The following WAC variants were observed in gnomAD, a reference collection of about 807,000 sequenced individuals.
WAC encodes the protein WW domain-containing adapter protein with coiled-coil.
Under a neutral mutation model 79.6 loss-of-function variants are expected in WAC, and 11 were observed. That is an observed-to-expected ratio of 0.14 (90% CI 0.09 to 0.23). The LOEUF is 0.23. Among genes scored for constraint, WAC ranks in the 10% least tolerant of loss-of-function variants. The probability of loss-of-function intolerance (pLI) is 1.00; values close to 1 mark genes in which losing one functional copy is unlikely to be tolerated. For synonymous variants in WAC, 304 were observed against 276.9 expected (o/e 1.10, Z -0.97); for missense variants, 728 against 773.5 (o/e 0.94, Z 0.70).
At chr10:28,538,009 A>G (rs2132323455) in intron 3 of WAC, among the ~76,000 whole-genome samples, 1 of 152,228 alleles carries the variant, frequency 6.6e-6, no homozygotes, top group East Asian at 1.9e-4. Context: ...TGTCTCTACC[A>G]TCTCTAACAT....
intron 7 of WAC, among the ~76,000 whole-genome samples, chr10:28,605,200 C>A (rs1840880009): frequency 6.6e-6 from 1 of 152,116 alleles, no homozygotes; most frequent in Non-Finnish European, 1.5e-5. Context: ...TATATTTTTT[C>A]AATTTTGCTT....
chr10:28,553,034 G>A (rs1837775833), intron 3 of WAC, among the ~76,000 whole-genome samples: 3 of 151,986 alleles, frequency 2.0e-5, no homozygotes, highest in Non-Finnish European at 4.4e-5. Context: ...TTCCCTGCCC[G>A]AGGTAGTATT....
At chr10:28,538,836 C>G (rs1261260995) in intron 3 of WAC, among the ~76,000 whole-genome samples, 1 of 141,216 alleles carries the variant, frequency 7.1e-6, no homozygotes, top group Non-Finnish European at 1.5e-5. Flanking sequence ...CACACTCTAA[C>G]CTGGGTTGAT....
At chr10:28,536,831 C>G (rs921748380) in intron 3 of WAC, among the ~76,000 whole-genome samples, 1 of 152,196 alleles carries the variant, frequency 6.6e-6, no homozygotes, top group Admixed American at 6.5e-5. Context: ...TATATTCTCT[C>G]CTACATGTTG....
chr10:28,547,536 C>CAAA (rs879618722), intron 3 of WAC, among the ~76,000 whole-genome samples: 1 of 123,622 alleles, frequency 8.1e-6, no homozygotes. Context: ...ACTCCATCTC[C>CAAA]AAAAAAAAAA....
chr10:28,566,542 T>A (rs1469281705), intron 3 of WAC, among the ~76,000 whole-genome samples: 2 of 152,224 alleles, frequency 1.3e-5, no homozygotes, highest in African/African-American at 4.8e-5. Flanking sequence ...TTTCTTATGA[T>A]TGTCTGTATT....
At chr10:28,570,351 G>A (rs1029918709) in intron 3 of WAC, among the ~76,000 whole-genome samples, 1 of 152,190 alleles carries the variant, frequency 6.6e-6, no homozygotes, top group Non-Finnish European at 1.5e-5. Context: ...TATAATAGTT[G>A]TATTTAATAG....
At chr10:28,547,783 TAG>T (rs1169108546) in intron 3 of WAC, among the ~76,000 whole-genome samples, 1 of 152,130 alleles carries the variant, frequency 6.6e-6, no homozygotes, top group Non-Finnish European at 1.5e-5. Context: ...CTTGAAAATT[TAG>T]AGTTTTTCCT....
chr10:28,615,387 A>G (rs1840774498), intron 11 of WAC: 1 of 152,176 alleles, frequency 6.6e-6, no homozygotes, highest in South Asian at 2.1e-4. Flanking sequence ...GACCTTGGGA[A>G]GCTGTCTACT....
chr10:28,604,010 T>C (rs1468881554), intron 7 of WAC, among the ~76,000 whole-genome samples: 1 of 141,792 alleles, frequency 7.1e-6, no homozygotes, highest in Non-Finnish European at 1.5e-5. Flanking sequence ...TATATTTCTA[T>C]ACTAAAAGTA....
chr10:28,561,814 A>T (rs1236179037), intron 3 of WAC, among the ~76,000 whole-genome samples: 1 of 152,168 alleles, frequency 6.6e-6, no homozygotes, highest in Non-Finnish European at 1.5e-5. Context: ...TGAGAACCCT[A>T]TTGTGAACTG....
At chr10:28,611,200 T>G (rs1043941104) in intron 9 of WAC, 14 of 1,173,516 alleles carry the variant, frequency 1.2e-5, no homozygotes, top group African/African-American at 4.7e-5. Flanking sequence ...CAGATTGACG[T>G]TAGATGTTTT....
rs976546396 is a variant in WAC at position 28,622,873 on chromosome 10, A to G, written c.*3267A>G. The G allele has an allele frequency of 6.6e-6, 1 of 152,174 alleles. No individual in the cohort carries two copies. Among genetic ancestry groups the G allele is most frequent in the Non-Finnish European group, 1.5e-5 (1 of 68,012 alleles). 9.4% of individuals were successfully genotyped at this position (152,174 alleles called of 1,614,324 possible). Reference sequence around the variant, plus strand: ...CTGCGCACCGGAACTATTGTAGTTCAGGACTTCCAGCTACTGTATTTAGAT... The same window carrying G: ...CTGCGCACCGGAACTATTGTAGTTCGGGACTTCCAGCTACTGTATTTAGAT... On this transcript the variant is annotated 3_prime_UTR_variant, in exon 14 of 14. Transcript: ENST00000354911.
At chr10:28,546,847 T>C (rs1300097936) in intron 3 of WAC, among the ~76,000 whole-genome samples, 1 of 151,296 alleles carries the variant, frequency 6.6e-6, no homozygotes, top group Non-Finnish European at 1.5e-5. Flanking sequence ...AGCCTAAATG[T>C]AATTTCAGTT....
intron 7 of WAC, among the ~76,000 whole-genome samples, chr10:28,598,531 C>G (rs1840488584): frequency 6.6e-6 from 1 of 152,180 alleles, no homozygotes; most frequent in Admixed American, 6.5e-5. Context: ...CACCTTCTAA[C>G]CCTTCCCTCC....
chr10:28,588,776 T>C (rs1188314786), intron 4 of WAC: 2 of 152,198 alleles, frequency 1.3e-5, no homozygotes, highest in Non-Finnish European at 2.9e-5. Flanking sequence ...ATGGGGTACA[T>C]AGTGATGTTT....
intron 4 of WAC, chr10:28,589,129 G>T (rs941651408): frequency 6.6e-6 from 1 of 152,088 alleles, no homozygotes; most frequent in Non-Finnish European, 1.5e-5. Flanking sequence ...TTTAGTTATG[G>T]GAAAAAGAGT....
chr10:28,561,446 G>C (rs1339674773), intron 3 of WAC, among the ~76,000 whole-genome samples: 1 of 151,538 alleles, frequency 6.6e-6, no homozygotes, highest in Non-Finnish European at 1.5e-5. Flanking sequence ...CAGTTTTACA[G>C]ATTTTCCTTT....
chr10:28,567,050 G>A (rs1055955877), intron 3 of WAC, among the ~76,000 whole-genome samples: 11 of 148,650 alleles, frequency 7.4e-5, no homozygotes, highest in Non-Finnish European at 1.6e-4. Context: ...TGTCTTATGT[G>A]CTTTATGGTA....
Sources: gnomAD v4.1 joint callset for allele counts (sites outside exome capture counted in the v4.1 genomes callset) on GRCh38, gnomAD v4.1.1 for gene constraint, MANE v1.5 for transcripts, NCBI Gene and HGNC (gene_info 2026-07-23, HGNC 2026-07-21) for gene names.